The following CDHR1 variants were observed in gnomAD, a reference collection of about 807,000 sequenced individuals.
The protein encoded by CDHR1 is cadherin-related family member 1.
Under a neutral mutation model 72.1 loss-of-function variants are expected in CDHR1, and 61 were observed. The observed-to-expected ratio is 0.85, with a 90% CI of 0.69 to 1.05. The LOEUF (loss-of-function observed/expected upper bound fraction) is 1.05, where lower values mean the gene tolerates loss of function less well. Ranked by LOEUF, CDHR1 falls within the 50% of genes least tolerant of loss-of-function variation. The pLI, the probability that CDHR1 is intolerant of heterozygous loss-of-function variation, is 0.00. For missense variants in CDHR1, 1,186 were observed against 1,115.7 expected (o/e 1.06, Z -0.90); for synonymous variants, 470 against 448.1 (o/e 1.05, Z -0.62).
chr10:84,201,702 T>A, intron 6 of CDHR1, 105 bp from the exon 7 acceptor site: 1 of 870,792 alleles, frequency 1.1e-6, no homozygotes, highest in Non-Finnish European at 1.9e-6. Flanking sequence ...AGCCCTGAGG[T>A]CCTGTAATGA....
At chr10:84,206,395 G>A (rs969394744) in intron 10 of CDHR1, among the ~76,000 whole-genome samples, 1 of 152,260 alleles carries the variant, frequency 6.6e-6, no homozygotes, top group Non-Finnish European at 1.5e-5. Context: ...TCTGTCGCTA[G>A]AGCCGGGCAT....
chr10:84,194,749 G>T lies in CDHR1; in HGVS notation c.-12G>T. The T allele has an allele frequency of 6.7e-7, 1 of 1,497,700 alleles. No homozygotes were observed. The highest frequency in any genetic ancestry group is 8.8e-7 in the Non-Finnish European group (1 of 1,132,320). The allele number at this position is 1,497,700 out of a possible 1,614,324, so 92.8% of individuals were successfully genotyped here. ...TCGGCGGCGGCAGGCGACACTCCGC[G>T]CCGGCGGAGACATGAGGCGCTGCCG... On this transcript the variant is annotated 5_prime_UTR_variant, in exon 1 of 17. Transcript: ENST00000623527.
intron 5 of CDHR1, 79 bp from the exon 6 acceptor site, chr10:84,200,522 C>T: frequency 1.1e-6 from 1 of 933,174 alleles, no homozygotes; most frequent in Non-Finnish European, 1.7e-6. Context: ...GACCCCACTG[C>T]TGCATGCCCC....
Position 84,218,402 on chromosome 10 carries a change from T to C in CDHR1, c.*3781T>C, listed in dbSNP as rs764967846. The C allele has an allele frequency of 5.0e-5, 49 of 985,470 alleles. No individual in the cohort carries two copies. The highest frequency in any genetic ancestry group is 5.7e-5 in the Non-Finnish European group (47 of 829,938). 61.0% of individuals were successfully genotyped at this position (985,470 alleles called of 1,614,324 possible). On this transcript the variant is annotated 3_prime_UTR_variant, in exon 17 of 17. Transcript: ENST00000623527. Reference sequence around the variant, plus strand: ...GGCCTGAATGAGGTTCGGTTATTTATTCATTTCTCAATAATTTACTCAGCC... The same window carrying C: ...GGCCTGAATGAGGTTCGGTTATTTACTCATTTCTCAATAATTTACTCAGCC...
chr10:84,198,933 TG>T, intron 4 of CDHR1, 98 bp from the exon 5 acceptor site: 2 of 855,020 alleles, frequency 2.3e-6, no homozygotes, highest in Non-Finnish European at 3.9e-6. Flanking sequence ...AGAGGAGGGA[TG>T]GGCAGAGACG....
chr10:84,218,393 G>A lies in CDHR1; in HGVS notation c.*3772G>A, dbSNP rs1167359313. 4 of 985,228 alleles carry A rather than the reference G, an allele frequency of 4.1e-6. No homozygotes were observed. The highest frequency in any genetic ancestry group is 4.7e-5 in the South Asian group (1 of 21,284). The allele number at this position is 985,228 out of a possible 1,614,324, so 61.0% of individuals were successfully genotyped here. ...CCCTTTTGAGGCCTGAATGAGGTTCGGTTATTTATTCATTTCTCAATAATT... is the reference window on the plus strand; with the variant it reads ...CCCTTTTGAGGCCTGAATGAGGTTCAGTTATTTATTCATTTCTCAATAATT... On this transcript the variant is annotated 3_prime_UTR_variant, in exon 17 of 17. Transcript: ENST00000623527.
At chr10:84,213,373 A>T (rs763723591) in intron 16 of CDHR1, 25 bp downstream of exon 16, 23 of 1,614,040 alleles carry the variant, frequency 1.4e-5, no homozygotes, top group Non-Finnish European at 1.9e-5. Flanking sequence ...ATGGTCAGGA[A>T]AAAGGGGTCA....
At chr10:84,195,692 CG>C in intron 2 of CDHR1, 103 bp downstream of exon 2, 4 of 934,010 alleles carry the variant, frequency 4.3e-6, no homozygotes, top group Non-Finnish European at 5.1e-6. Flanking sequence ...TGCGCGCGCC[CG>C]GGGGCTCCTT....
rs369007715 is a variant in CDHR1 at position 84,194,905 on chromosome 10, G to C, written c.55+90G>C. The C allele has an allele frequency of 1.9e-5, 24 of 1,257,072 alleles. No homozygotes were observed. The African/African-American group carries it at 3.3e-4, about 17-fold the overall frequency. The allele number at this position is 1,257,072 out of a possible 1,614,324, so 77.9% of individuals were successfully genotyped here. ...AGGTGGCCAGAGGGACATGGTCCTGGACCACTTCCAGAGTGGGACTCGGGC... is the reference window on the plus strand; with the variant it reads ...AGGTGGCCAGAGGGACATGGTCCTGCACCACTTCCAGAGTGGGACTCGGGC... On this transcript the variant is annotated intron_variant, in intron 1 of 16. Transcript: ENST00000623527.
In CDHR1 at chr10:84,216,855, G is replaced by A. The variant is rs1452054661; in HGVS notation, c.*2234G>A. The A allele has an allele frequency of 1.0e-6, 1 of 985,428 alleles. No individual in the cohort carries two copies. The highest frequency in any genetic ancestry group is 1.7e-5 in the African/African-American group (1 of 57,258). 61.0% of individuals were successfully genotyped at this position (985,428 alleles called of 1,614,324 possible). On this transcript the variant is annotated 3_prime_UTR_variant, in exon 17 of 17. Transcript: ENST00000623527. ...ACCCTACCAGTGCAGCCCGGCAAGG[G>A]CAGGAATTGGGAGGCCTAGGGTGGG...
At chr10:84,206,621 A>G (rs907088490) in intron 10 of CDHR1, among the ~76,000 whole-genome samples, 4 of 152,226 alleles carry the variant, frequency 2.6e-5, no homozygotes, top group African/African-American at 9.6e-5. Flanking sequence ...TGAAAAGTTC[A>G]CCTGGCTGCT....
chr10:84,217,731 G>A lies in CDHR1; in HGVS notation c.*3110G>A. On this transcript the variant is annotated 3_prime_UTR_variant, in exon 17 of 17. Coordinates refer to ENST00000623527, the MANE Select transcript of CDHR1 (RefSeq NM_033100.4). ...CCCCCCAGGATGTTTCCACCCACCT[G>A]TAGGTCCAGAAGCTTTTACTTCATG... The A allele has an allele frequency of 3.0e-6, 3 of 985,474 alleles. No individual in the cohort carries two copies. Among genetic ancestry groups the A allele is most frequent in the Non-Finnish European group, 3.6e-6 (3 of 829,986 alleles). The allele number at this position is 985,474 out of a possible 1,614,324, so 61.0% of individuals were successfully genotyped here.
chr10:84,214,962 C>T lies in CDHR1; in HGVS notation c.*341C>T, dbSNP rs1379465465. ...CTCACCCATCCCAGACCTCACAGTC[C>T]CTCAGGTTCTACTGGGATCTCATCA... On this transcript the variant is annotated 3_prime_UTR_variant, in exon 17 of 17. Transcript: ENST00000623527. The T allele has an allele frequency of 1.6e-6, 2 of 1,238,074 alleles. No homozygotes were observed. 76.7% of individuals were successfully genotyped at this position (1,238,074 alleles called of 1,614,324 possible). A position where few individuals can be genotyped will look rare whatever the true frequency, so the allele number is the denominator to read the frequency against.
At position 84,214,872 on chromosome 10, in the gene CDHR1, C is replaced by A. The variant is rs867129261; in HGVS notation, c.*251C>A. On this transcript the variant is annotated 3_prime_UTR_variant, in exon 17 of 17. Coordinates refer to ENST00000623527, the MANE Select transcript of CDHR1 (RefSeq NM_033100.4). ...GCAATTGGCAAATACGTCCCCGTTACTCAAATCCTTGGCACTACTACAATG... is the reference window on the plus strand; with the variant it reads ...GCAATTGGCAAATACGTCCCCGTTAATCAAATCCTTGGCACTACTACAATG... The A allele has an allele frequency of 4.7e-5, 68 of 1,439,854 alleles. No homozygotes were observed. In the Middle Eastern group the frequency reaches 1.5e-3, roughly 33 times the overall value. The allele number at this position is 1,439,854 out of a possible 1,614,324, so 89.2% of individuals were successfully genotyped here.
rs547134587 is a variant in CDHR1, at chr10:84,202,033, G to T, written c.639+113G>T. 4.4e-5 allele frequency: 35 copies of T among 795,374 alleles called. No homozygotes were observed. The African/African-American group carries it at 4.9e-4, about 11-fold the overall frequency. The allele number at this position is 795,374 out of a possible 1,614,324, so 49.3% of individuals were successfully genotyped here. A position where few individuals can be genotyped will look rare whatever the true frequency, so the allele number is the denominator to read the frequency against. ...TTGGAGAGCAGGAGACATGATGGGC[G>T]TGGGGAAATAGGGAGCAGCTGCTCG... On this transcript the variant is annotated intron_variant, in intron 7 of 16. Coordinates refer to ENST00000623527, the MANE Select transcript of CDHR1 (RefSeq NM_033100.4).
In CDHR1 at chr10:84,203,034, G is replaced by T; in HGVS notation, c.694G>T (p.Val232Phe). The change falls in exon 8 of 17, where the codon GTC (valine) becomes TTC (phenylalanine). Residue 232 changes from valine (V) to phenylalanine (F), a missense_variant. Val to Phe is a conservative substitution (Grantham distance 50). Transcript: ENST00000623527. The part of the protein sequence containing the change: ...ADVVFSATTT[V>F]TVNVEDVQDM... Reference sequence around the variant, plus strand: ...TGTGGTGTTCTCAGCCACCACCACGGTCACGGTCAATGTGGAGGATGTTCA... The same window carrying T: ...TGTGGTGTTCTCAGCCACCACCACGTTCACGGTCAATGTGGAGGATGTTCA... The T allele has an allele frequency of 6.2e-7, 1 of 1,614,212 alleles. No individual in the cohort carries two copies. Among genetic ancestry groups the T allele is most frequent in the Non-Finnish European group, 8.5e-7 (1 of 1,180,026 alleles).
At chr10:84,199,804 G>C (rs562648500) in intron 5 of CDHR1, among the ~76,000 whole-genome samples, 11 of 152,300 alleles carry the variant, frequency 7.2e-5, no homozygotes, top group African/African-American at 2.4e-4. Flanking sequence ...GAAGGCACCT[G>C]TTTGCTCCCT....
chr10:84,199,121 G>C lies in CDHR1; in HGVS notation c.438G>C (p.Glu146Asp). Residue 146 changes from glutamate (E) to aspartate (D), a missense_variant and splice_region_variant, in exon 5 of 17, where the codon GAG becomes GAC. Transcript: ENST00000623527. The stretch of plus-strand genomic sequence containing the variant: ...AGCCTTATGTTGCCCTGGTTCCCGA[G>C]GTAAGTGAGGAGCTGCTAGAGGGGC... ...IQEPYVALVP[E>D]DIPAGSIIFK... is the part of the protein sequence containing the mutation. The C allele has an allele frequency of 6.4e-7, 1 of 1,550,780 alleles. No individual in the cohort carries two copies. The highest frequency in any genetic ancestry group is 1.8e-4 in the Middle Eastern group (1 of 5,452).
intron 6 of CDHR1, among the ~76,000 whole-genome samples, chr10:84,201,216 GT>G (rs1842118768): frequency 6.6e-6 from 1 of 152,104 alleles, no homozygotes; most frequent in Non-Finnish European, 1.5e-5. Context: ...TTGTTCCATT[GT>G]TCTGAAAACT....
Sources: allele counts gnomAD v4.1 joint callset (sites outside exome capture counted in the v4.1 genomes callset), GRCh38; gene constraint gnomAD v4.1.1; transcripts MANE v1.5; gene names NCBI Gene and HGNC (gene_info 2026-07-23, HGNC 2026-07-21).